FER1L6: variants seen among roughly 807,000 people sequenced by gnomAD.
FER1L6 encodes fer-1 like family member 6.
FER1L6 carries 177 observed loss-of-function variants against 219.2 expected under a neutral mutation model. That is an observed-to-expected ratio of 0.81 (90% confidence interval 0.71 to 0.91). The LOEUF (loss-of-function observed/expected upper bound fraction) is 0.91, where lower values mean the gene tolerates loss of function less well. FER1L6 is among the 40% of genes least tolerant of loss of function. FER1L6 has a pLI of 0.00. For missense variants in FER1L6, 2,153 were observed against 2,259.9 expected (o/e 0.95, Z 0.96); for synonymous variants, 768 against 824.3 (o/e 0.93, Z 1.17).
At chr8:124,068,060 C>T (rs1820900519) in intron 28 of FER1L6, among the ~76,000 whole-genome samples, 1 of 152,138 alleles carries the variant, frequency 6.6e-6, no homozygotes. Flanking sequence ...CCTATGTTGA[C>T]AGTCTTAATG....
intron 13 of FER1L6, among the ~76,000 whole-genome samples, chr8:124,003,765 C>A (rs757411340): frequency 1.3e-5 from 2 of 151,858 alleles, no homozygotes; most frequent in Admixed American, 1.3e-4. Flanking sequence ...CTGTGCCCGG[C>A]CAGAAACATA....
At chr8:123,956,854 G>GA (rs1310136243) in intron 2 of FER1L6, among the ~76,000 whole-genome samples, 1 of 152,176 alleles carries the variant, frequency 6.6e-6, no homozygotes, top group Non-Finnish European at 1.5e-5. Context: ...TCTGCTCTTA[G>GA]AATGGGATAC....
chr8:124,087,911 T>G (rs1016247264), intron 33 of FER1L6, among the ~76,000 whole-genome samples: 22 of 152,150 alleles, frequency 1.4e-4, no homozygotes, highest in African/African-American at 5.3e-4. Flanking sequence ...ACTCTTTTTC[T>G]CCTTTCTTTT....
At chr8:123,887,773 A>C (rs529686384) in intron 1 of FER1L6, among the ~76,000 whole-genome samples, 5 of 152,208 alleles carry the variant, frequency 3.3e-5, no homozygotes, top group African/African-American at 1.2e-4. Flanking sequence ...TAATTTGAGA[A>C]ATTCTGGAAG....
intron 12 of FER1L6, among the ~76,000 whole-genome samples, chr8:123,993,012 C>T (rs568224890): frequency 2.7e-4 from 41 of 152,198 alleles, no homozygotes; most frequent in African/African-American, 9.9e-4. Flanking sequence ...TTGAGGATTC[C>T]TTTTGGAATT....
intron 1 of FER1L6, among the ~76,000 whole-genome samples, chr8:123,953,444 C>A (rs1281027075): frequency 6.6e-6 from 1 of 152,140 alleles, no homozygotes; most frequent in Non-Finnish European, 1.5e-5. Flanking sequence ...TATAAACTTC[C>A]TTAGGCGACT....
intron 32 of FER1L6, among the ~76,000 whole-genome samples, chr8:124,077,788 G>A (rs1372436484): frequency 6.6e-6 from 1 of 152,188 alleles, no homozygotes; most frequent in East Asian, 1.9e-4. Flanking sequence ...CTCTCCAGAT[G>A]TGGATGTTTA....
At chr8:123,907,617 T>A (rs1250262606) in intron 1 of FER1L6, among the ~76,000 whole-genome samples, 1 of 150,856 alleles carries the variant, frequency 6.6e-6, no homozygotes. Context: ...GAGGAGAAAT[T>A]GGGATTACTA....
At chr8:123,884,121 C>T (rs1371025481) in intron 1 of FER1L6, among the ~76,000 whole-genome samples, 1 of 152,236 alleles carries the variant, frequency 6.6e-6, no homozygotes, top group Non-Finnish European at 1.5e-5. Flanking sequence ...CACCACTGTG[C>T]TTCAGTGCTG....
chr8:123,877,961 A>G (rs1817034738), intron 1 of FER1L6, among the ~76,000 whole-genome samples: 1 of 152,296 alleles, frequency 6.6e-6, no homozygotes, highest in South Asian at 2.1e-4. Context: ...AGAGAGCTCT[A>G]TAGAAATCTT....
chr8:123,873,205 C>G (rs1816952307), intron 1 of FER1L6, among the ~76,000 whole-genome samples: 3 of 152,294 alleles, frequency 2.0e-5, no homozygotes, highest in Non-Finnish European at 4.4e-5. Flanking sequence ...TGTCAGTCAC[C>G]TCAGGCAGAC....
At chr8:123,951,301 A>G (rs1033619236) in intron 1 of FER1L6, among the ~76,000 whole-genome samples, 44 of 152,272 alleles carry the variant, frequency 2.9e-4, no homozygotes, top group African/African-American at 9.9e-4. Context: ...CTACCCCCAT[A>G]TGGATTAGAT....
intron 2 of FER1L6, among the ~76,000 whole-genome samples, chr8:123,958,935 A>C (rs1033533475): frequency 1.3e-5 from 2 of 151,750 alleles, no homozygotes; most frequent in African/African-American, 4.8e-5. Context: ...GGCCTTGTGG[A>C]TAGAGCGCAT....
At chr8:123,977,957 G>T (rs1206147307) in intron 10 of FER1L6, among the ~76,000 whole-genome samples, 2 of 152,168 alleles carry the variant, frequency 1.3e-5, no homozygotes, top group Non-Finnish European at 2.9e-5. Context: ...ATCTCTTGCG[G>T]CCCAGTTCCT....
chr8:123,905,455 C>A (rs1222135257), intron 1 of FER1L6, among the ~76,000 whole-genome samples: 1 of 152,064 alleles, frequency 6.6e-6, no homozygotes, highest in East Asian at 1.9e-4. Context: ...GTATATGTAC[C>A]ACATTTTCTT....
intron 1 of FER1L6, among the ~76,000 whole-genome samples, chr8:123,914,877 G>T (rs912238093): frequency 6.6e-6 from 1 of 152,196 alleles, no homozygotes; most frequent in East Asian, 1.9e-4. Context: ...TTCCTCTTCT[G>T]ATGAGTAAAT....
At chr8:124,086,111 A>G (rs60939722) in intron 33 of FER1L6, among the ~76,000 whole-genome samples, 5,476 of 151,988 alleles carry the variant, frequency 0.036, 319 homozygotes, top group African/African-American at 0.12. Flanking sequence ...TAGGTAAAGT[A>G]TGTTTTTTTG....
At chr8:123,901,923 T>C (rs1193196813) in intron 1 of FER1L6, among the ~76,000 whole-genome samples, 4 of 152,068 alleles carry the variant, frequency 2.6e-5, no homozygotes, top group Admixed American at 1.3e-4. Context: ...GGTTTCACCA[T>C]GTTAGCCAGG....
At chr8:123,933,308 C>A (rs1813847951) in intron 1 of FER1L6, among the ~76,000 whole-genome samples, 1 of 152,164 alleles carries the variant, frequency 6.6e-6, no homozygotes, top group African/African-American at 2.4e-5. Flanking sequence ...ATTTGACATG[C>A]CCTTGGAGAA....
Sources: gnomAD v4.1 joint callset for allele counts (sites outside exome capture counted in the v4.1 genomes callset) on GRCh38, gnomAD v4.1.1 for gene constraint, MANE v1.5 for transcripts, NCBI Gene and HGNC (gene_info 2026-07-23, HGNC 2026-07-21) for gene names.